TBC1D22B: variants seen among roughly 807,000 people sequenced by gnomAD.
The protein encoded by TBC1D22B is TBC1 domain family member 22B, also known as chromosome 6 open reading frame 197.
In TBC1D22B, 32 loss-of-function variants were observed where a neutral mutation model predicts 69.1. The observed-to-expected ratio is 0.46, with a 90% confidence interval of 0.35 to 0.62. The LOEUF (loss-of-function observed/expected upper bound fraction) is 0.62. TBC1D22B is among the 20% of genes least tolerant of loss of function. The pLI is 0.00. For synonymous variants in TBC1D22B, 206 were observed against 229.8 expected (o/e 0.90, Z 0.94); for missense variants, 462 against 630.9 (o/e 0.73, Z 2.87).
chr6:37,318,579 T>G (rs745350489), intron 12 of TBC1D22B, among the ~76,000 whole-genome samples: 1 of 152,106 alleles, frequency 6.6e-6, no homozygotes, highest in Non-Finnish European at 1.5e-5. Context: ...GAAGTAAGGA[T>G]GGACAGAGAA....
intron 6 of TBC1D22B, among the ~76,000 whole-genome samples, chr6:37,285,609 C>T (rs73421911): frequency 0.032 from 4,828 of 152,254 alleles, 242 homozygotes; most frequent in African/African-American, 0.11. Flanking sequence ...TCTCCTGCCT[C>T]ACCCTCCTGG....
intron 12 of TBC1D22B, among the ~76,000 whole-genome samples, chr6:37,322,387 C>T (rs1768277297): frequency 6.6e-6 from 1 of 152,156 alleles, no homozygotes; most frequent in Admixed American, 6.5e-5. Flanking sequence ...TGTGATGGCA[C>T]ACACCTGTAA....
rs1675919900 is a variant in TBC1D22B, at chr6:37,332,280, C to T, written c.*1108C>T. 6.6e-6 allele frequency: 1 copy of T among 152,664 alleles called. No homozygotes were observed. Among genetic ancestry groups the T allele is most frequent in the Non-Finnish European group, 1.5e-5 (1 of 68,114 alleles). 9.5% of individuals were successfully genotyped at this position (152,664 alleles called of 1,614,324 possible). A position where few individuals can be genotyped will look rare whatever the true frequency, so the allele number is the denominator to read the frequency against. The stretch of plus-strand genomic sequence containing the variant: ...CTTTCTTCACCCCGCCCCCCAACCC[C>T]CAGACTTTCCTGGAGCATCTGCCCT... On this transcript the variant is annotated 3_prime_UTR_variant, in exon 13 of 13. Coordinates refer to ENST00000373491, the MANE Select transcript of TBC1D22B (RefSeq NM_017772.4).
chr6:37,296,089 T>TA (rs1205274659), intron 8 of TBC1D22B, among the ~76,000 whole-genome samples: 5 of 152,254 alleles, frequency 3.3e-5, no homozygotes, highest in Middle Eastern at 3.4e-3. Context: ...TAGCACTTTT[T>TA]AACAATAAAA....
intron 12 of TBC1D22B, among the ~76,000 whole-genome samples, chr6:37,328,328 A>G (rs195406): frequency 0.24 from 36,421 of 149,648 alleles, 5,504 homozygotes; most frequent in African/African-American, 0.45. Flanking sequence ...AGATAGATAG[A>G]TAAAAATAAA....
intron 1 of TBC1D22B, among the ~76,000 whole-genome samples, chr6:37,261,944 AGTGTGTGTGTGTGTGTGT>A (rs70977641): frequency 0.036 from 4,243 of 118,766 alleles, 266 homozygotes; most frequent in African/African-American, 0.13. Context: ...AGCTTTGGTC[AGTGTGTGTGTGTGTGTGT>A]GTGTGTGTGT....
chr6:37,317,212 T>A lies in TBC1D22B; in HGVS notation c.1389+6T>A. 1 of 1,560,858 alleles carries A rather than the reference T, an allele frequency of 6.4e-7. No homozygotes were observed. Among genetic ancestry groups the A allele is most frequent in the Non-Finnish European group, 8.7e-7 (1 of 1,150,918 alleles). Reference sequence around the variant, plus strand: ...TGGATGAGGAGGATTTTCAGGTGAGTGGCCAAGAGCTTAGTGTGGGCAGGG... The same window carrying A: ...TGGATGAGGAGGATTTTCAGGTGAGAGGCCAAGAGCTTAGTGTGGGCAGGG... On this transcript the variant is annotated splice_donor_region_variant and intron_variant, in intron 12 of 12. Coordinates refer to ENST00000373491, the MANE Select transcript of TBC1D22B (RefSeq NM_017772.4).
chr6:37,257,863 C>T lies in TBC1D22B; in HGVS notation c.-55C>T. ...GCCCTCAGATTGCGGGGTCTGGGGGCATCTCGCCGGGCAAACCCTTGGCCC... is the reference window on the plus strand; with the variant it reads ...GCCCTCAGATTGCGGGGTCTGGGGGTATCTCGCCGGGCAAACCCTTGGCCC... On this transcript the variant is annotated 5_prime_UTR_variant, in exon 1 of 13. Coordinates refer to ENST00000373491, the MANE Select transcript of TBC1D22B (RefSeq NM_017772.4). The T allele has an allele frequency of 1.3e-6, 2 of 1,587,220 alleles. No individual in the cohort carries two copies. The highest frequency in any genetic ancestry group is 2.3e-5 in the South Asian group (2 of 87,930).
intron 1 of TBC1D22B, among the ~76,000 whole-genome samples, chr6:37,258,849 A>G (rs1425107228): frequency 6.6e-6 from 1 of 152,200 alleles, no homozygotes; most frequent in Non-Finnish European, 1.5e-5. Flanking sequence ...GATTTCTGCC[A>G]GCTACAGTCT....
intron 12 of TBC1D22B, among the ~76,000 whole-genome samples, chr6:37,325,752 G>A (rs557667494): frequency 1.3e-5 from 2 of 152,104 alleles, no homozygotes; most frequent in East Asian, 1.9e-4. Flanking sequence ...GTTTCACCAT[G>A]TTAGCCAGGC....
chr6:37,308,311 G>A (rs1767799601), intron 8 of TBC1D22B, among the ~76,000 whole-genome samples: 2 of 152,124 alleles, frequency 1.3e-5, no homozygotes, highest in South Asian at 2.1e-4. Context: ...TCAAGTGGAC[G>A]CTTAATGATC....
chr6:37,329,931 T>A (rs1228272468), intron 12 of TBC1D22B, among the ~76,000 whole-genome samples: 2 of 152,212 alleles, frequency 1.3e-5, no homozygotes, highest in Non-Finnish European at 2.9e-5. Context: ...GGCAGTTTTG[T>A]GCCCAGCTAC....
chr6:37,295,689 T>C, intron 8 of TBC1D22B: 1 of 391,084 alleles, frequency 2.6e-6, no homozygotes, highest in South Asian at 2.3e-5. Flanking sequence ...GAGATTTAAT[T>C]CCTGGCTCCT....
chr6:37,278,727 C>T (rs1177576715), intron 2 of TBC1D22B, among the ~76,000 whole-genome samples: 1 of 152,020 alleles, frequency 6.6e-6, no homozygotes, highest in Admixed American at 6.6e-5. Flanking sequence ...CCCAGGAGTT[C>T]AAGACCAGCC....
chr6:37,267,166 C>G (rs1766305000), intron 1 of TBC1D22B, among the ~76,000 whole-genome samples: 1 of 150,632 alleles, frequency 6.6e-6, no homozygotes, highest in African/African-American at 2.4e-5. Context: ...AACTTCTAGC[C>G]TCAAGCAGTT....
At chr6:37,258,103 G>A (rs1765887683) in intron 1 of TBC1D22B, 130 bp downstream of exon 1, 4 of 1,035,172 alleles carry the variant, frequency 3.9e-6, no homozygotes, top group Non-Finnish European at 5.5e-6. Context: ...ACTGCCTGGT[G>A]GCGGCAGGGC....
In TBC1D22B at chr6:37,271,485, C is replaced by T. The variant is rs1279502923; in HGVS notation, c.113+1835C>T. Reference sequence around the variant, plus strand: ...TGTAACAAATGTACCACTGTGGTGGCGGATGTTCATAATGGAGAGGCTGTG... The same window carrying T: ...TGTAACAAATGTACCACTGTGGTGGTGGATGTTCATAATGGAGAGGCTGTG... On this transcript the variant is annotated intron_variant, in intron 2 of 12. Transcript: ENST00000373491. 1.3e-5 allele frequency among the ~76,000 whole-genome samples: 2 copies of T among 152,022 alleles called. 1 individual carries two copies. The highest frequency in any genetic ancestry group is 2.9e-5 in the Non-Finnish European group (2 of 68,016).
intron 8 of TBC1D22B, among the ~76,000 whole-genome samples, chr6:37,300,238 A>G (rs1241615989): frequency 1.3e-5 from 2 of 151,970 alleles, no homozygotes; most frequent in Admixed American, 6.6e-5. Context: ...ATATTACGTA[A>G]TTTTAATTAC....
At chr6:37,260,411 GA>G (rs1562035478) in intron 1 of TBC1D22B, among the ~76,000 whole-genome samples, 1 of 152,138 alleles carries the variant, frequency 6.6e-6, no homozygotes, top group Non-Finnish European at 1.5e-5. Context: ...ACAACAAATA[GA>G]AATTTTATTA....
Sources: gnomAD v4.1 joint callset for allele counts (sites outside exome capture counted in the v4.1 genomes callset) on GRCh38, gnomAD v4.1.1 for gene constraint, MANE v1.5 for transcripts, NCBI Gene and HGNC (gene_info 2026-07-23, HGNC 2026-07-21) for gene names.